Variants in CELF5 observed in about 807,000 individuals in gnomAD.
CELF5 encodes CUG-BP and ETR-3 like factor 5.
CELF5 carries 6 observed loss-of-function variants against 54.9 expected under a neutral mutation model. The observed-to-expected ratio is 0.11, with a 90% CI of 0.06 to 0.22. The LOEUF (loss-of-function observed/expected upper bound fraction) is 0.22, where lower values mean the gene tolerates loss of function less well. CELF5 is among the 10% of genes least tolerant of loss of function. The pLI is 1.00. For missense variants in CELF5, 401 were observed against 678.6 expected (o/e 0.59, Z 4.54); for synonymous variants, 271 against 290.9 (o/e 0.93, Z 0.70).
Position 3,236,887 on chromosome 19 carries a change from G to A in CELF5, c.259+11889G>A, listed in dbSNP as rs572497954. Among the ~76,000 whole-genome samples the A allele has an allele frequency of 9.1e-4, 138 of 151,720 alleles. 3 individuals are homozygous for A. In the Middle Eastern group the frequency reaches 0.014, roughly 15 times the overall value. On this transcript the variant is annotated intron_variant, in intron 1 of 12. Transcript: ENST00000292672. Reference sequence around the variant, plus strand: ...ACCTGTAATACCAGCTACTTGGGAGGCCGAAGTGGAAGAATCGCTTGAACC... The same window carrying A: ...ACCTGTAATACCAGCTACTTGGGAGACCGAAGTGGAAGAATCGCTTGAACC...
At chr19:3,286,966 C>T (rs1339458729) in intron 10 of CELF5, among the ~76,000 whole-genome samples, 10 of 142,798 alleles carry the variant, frequency 7.0e-5, no homozygotes, top group African/African-American at 2.1e-4. Context: ...ACCCAGGAGG[C>T]GGAGCTTGCA....
chr19:3,255,342 G>T (rs763390571), intron 2 of CELF5, among the ~76,000 whole-genome samples: 1 of 152,104 alleles, frequency 6.6e-6, no homozygotes, highest in African/African-American at 2.4e-5. Flanking sequence ...GAGCCACCAC[G>T]CTGGCTAATT....
chr19:3,259,445 C>CG (rs1568344259), intron 2 of CELF5, among the ~76,000 whole-genome samples: 1 of 151,520 alleles, frequency 6.6e-6, no homozygotes, highest in Non-Finnish European at 1.5e-5. Flanking sequence ...CCACAGTGCC[C>CG]GGGGGAGAGA....
At chr19:3,280,692 C>A (rs918478966) in intron 5 of CELF5, among the ~76,000 whole-genome samples, 2 of 152,172 alleles carry the variant, frequency 1.3e-5, no homozygotes, top group African/African-American at 2.4e-5. Context: ...GGAGTCTCAC[C>A]TGTTCTCAGG....
intron 1 of CELF5, among the ~76,000 whole-genome samples, chr19:3,239,718 C>A (rs569100574): frequency 6.6e-6 from 1 of 152,064 alleles, no homozygotes; most frequent in South Asian, 2.1e-4. Flanking sequence ...AAAGCCCTAC[C>A]TTAGATTTTC....
intron 1 of CELF5, 109 bp from the exon 2 acceptor site, chr19:3,250,876 T>C: frequency 3.4e-6 from 2 of 583,968 alleles, no homozygotes; most frequent in South Asian, 2.6e-5. Context: ...TCTATGCATC[T>C]GTGGATGGAA....
intron 1 of CELF5, among the ~76,000 whole-genome samples, chr19:3,229,815 G>A (rs1002103897): frequency 1.6e-4 from 25 of 152,202 alleles, no homozygotes; most frequent in Admixed American, 3.9e-4. Context: ...GACAATGTGC[G>A]AGGGCCCAGA....
chr19:3,281,997 T>C lies in CELF5; in HGVS notation c.751-129T>C, dbSNP rs2080160118. ...CCTTGATCCCAGTCTGAGCTCCAAT[T>C]CTGATCTCAGCCTGAGCCAAGATAC... On this transcript the variant is annotated intron_variant, in intron 6 of 12. Transcript: ENST00000292672. This position sits in a 1 kb window ranked among gnomAD's most constrained non-coding sequence, Gnocchi z 6.5. 3.9e-6 allele frequency: 4 copies of C among 1,022,408 alleles called. No individual in the cohort carries two copies. The highest frequency in any genetic ancestry group is 6.0e-6 in the Non-Finnish European group (4 of 670,678). 63.3% of individuals were successfully genotyped at this position (1,022,408 alleles called of 1,614,324 possible).
At chr19:3,291,297 G>T (rs1452643899) in intron 11 of CELF5, among the ~76,000 whole-genome samples, 2 of 151,840 alleles carry the variant, frequency 1.3e-5, no homozygotes, top group Admixed American at 1.3e-4. Context: ...CAGGCGCAGT[G>T]GCTCACACCT....
chr19:3,239,512 A>C (rs961570875), intron 1 of CELF5, among the ~76,000 whole-genome samples: 2 of 151,636 alleles, frequency 1.3e-5, no homozygotes, highest in Non-Finnish European at 2.9e-5. Flanking sequence ...CTGGGACTAC[A>C]GATGTGAGCC....
rs1052312015 is a variant in CELF5, at chr19:3,228,832, G to A, written c.259+3834G>A. 6.6e-6 allele frequency among the ~76,000 whole-genome samples: 1 copy of A among 151,778 alleles called. No individual in the cohort carries two copies. The highest frequency in any genetic ancestry group is 2.4e-5 in the African/African-American group (1 of 41,326). On this transcript the variant is annotated intron_variant, in intron 1 of 12. Transcript: ENST00000292672. This position sits in a 1 kb window ranked among gnomAD's most constrained non-coding sequence, Gnocchi z 6.0. ...CAGTTGGCACCCCTGGTGGTGGCGG[G>A]GACAGCGGCAGGGGGCTGGGGGTGG... is the stretch of plus-strand genomic sequence containing the variant.
chr19:3,295,243 C>T (rs1468883249), intron 12 of CELF5: 1 of 150,130 alleles, frequency 6.7e-6, no homozygotes, highest in Non-Finnish European at 1.5e-5. Context: ...GGGGAGGCTC[C>T]TGAATCGTGG....
chr19:3,278,127 C>T lies in CELF5; in HGVS notation c.603+17C>T. ...ACCATGCCGGTGAGTTGGAGCTGCC[C>T]TTGGCCGTGGGGGTGGGGGTGGGAA... On this transcript the variant is annotated intron_variant, in intron 5 of 12. Coordinates refer to ENST00000292672, the MANE Select transcript of CELF5 (RefSeq NM_021938.4). This position sits in a 1 kb window ranked among gnomAD's most constrained non-coding sequence, Gnocchi z 4.5. 1 of 1,160,212 alleles carries T rather than the reference C, an allele frequency of 8.6e-7. No homozygotes were observed. Among genetic ancestry groups the T allele is most frequent in the Non-Finnish European group, 1.2e-6 (1 of 805,942 alleles). The allele number at this position is 1,160,212 out of a possible 1,614,324, so 71.9% of individuals were successfully genotyped here. A position where few individuals can be genotyped will look rare whatever the true frequency, so the allele number is the denominator to read the frequency against.
At chr19:3,269,809 C>T (rs1402709838) in intron 2 of CELF5, among the ~76,000 whole-genome samples, 2 of 152,064 alleles carry the variant, frequency 1.3e-5, no homozygotes, top group African/African-American at 2.4e-5. Flanking sequence ...TCGTCCACGC[C>T]GGAGTGCAGT....
chr19:3,249,114 C>T (rs964531791), intron 1 of CELF5, among the ~76,000 whole-genome samples: 3 of 151,860 alleles, frequency 2.0e-5, no homozygotes, highest in African/African-American at 7.3e-5. Context: ...TTAGCTCCTG[C>T]CTGGAGAAGT....
At chr19:3,240,703 A>G (rs928471604) in intron 1 of CELF5, among the ~76,000 whole-genome samples, 9 of 151,774 alleles carry the variant, frequency 5.9e-5, no homozygotes, top group African/African-American at 2.2e-4. Context: ...TCCAAGAATC[A>G]TCCTTCAGGA....
intron 10 of CELF5, chr19:3,286,694 TG>T (rs1431668927): frequency 1.6e-5 from 2 of 128,828 alleles, no homozygotes; most frequent in East Asian, 4.6e-4. Context: ...ATCTCCCCAC[TG>T]GACTCCAGCC....
intron 1 of CELF5, among the ~76,000 whole-genome samples, chr19:3,227,076 T>C (rs1916966743): frequency 6.6e-6 from 1 of 152,084 alleles, no homozygotes; most frequent in East Asian, 1.9e-4. Flanking sequence ...TCCGTCTGTG[T>C]GTGAGATACA....
intron 11 of CELF5, 106 bp from the exon 12 acceptor site, chr19:3,293,213 C>T: frequency 6.8e-7 from 1 of 1,479,734 alleles, no homozygotes; most frequent in Admixed American, 1.8e-5. Flanking sequence ...GGTGTGCACG[C>T]AGGCCTGCTC....
Sources: allele counts gnomAD v4.1 joint callset (sites outside exome capture counted in the v4.1 genomes callset), GRCh38; gene constraint gnomAD v4.1.1; non-coding constraint Gnocchi (gnomAD v3.1); transcripts MANE v1.5; gene names NCBI Gene and HGNC (gene_info 2026-07-23, HGNC 2026-07-21).